Variants in HYCC1 observed in about 807,000 individuals in gnomAD.
HYCC1 encodes the protein hyccin.
At chr7:22,941,019 C>A in the HYCC1 span, 41,877 of 151,894 alleles carry the variant, frequency 0.28, 5,978 homozygotes, top group Non-Finnish European at 0.32. Context: ...GCCACTGGTG[C>A]ATGGCCCATA....
chr7:22,931,792 G>A, the HYCC1 span, among the ~76,000 whole-genome samples: 2,434 of 152,278 alleles, frequency 0.016, 68 homozygotes, highest in African/African-American at 0.056. Context: ...TTATAAAGTG[G>A]CAGTAGAGCT....
chr7:22,999,827 C>A, the HYCC1 span, among the ~76,000 whole-genome samples: 1 of 151,946 alleles, frequency 6.6e-6, no homozygotes, highest in Non-Finnish European at 1.5e-5. Flanking sequence ...CAATTGTAAT[C>A]CAGATGGCAA....
the HYCC1 span, among the ~76,000 whole-genome samples, chr7:22,975,541 A>G: frequency 6.6e-6 from 1 of 152,240 alleles, no homozygotes; most frequent in Non-Finnish European, 1.5e-5. Flanking sequence ...ATTAGAGCAC[A>G]GTAAAAATAA....
chr7:22,984,978 A>T, the HYCC1 span, among the ~76,000 whole-genome samples: 1 of 152,224 alleles, frequency 6.6e-6, no homozygotes, highest in Non-Finnish European at 1.5e-5. Flanking sequence ...GATTTTGAAT[A>T]AAAGAGTAGG....
chr7:22,984,911 C>A, the HYCC1 span, among the ~76,000 whole-genome samples: 1 of 152,162 alleles, frequency 6.6e-6, no homozygotes, highest in Non-Finnish European at 1.5e-5. Flanking sequence ...CTATTCAGAA[C>A]AAACACCATG....
the HYCC1 span, among the ~76,000 whole-genome samples, chr7:22,897,014 G>T: frequency 6.6e-6 from 1 of 152,180 alleles, no homozygotes. Flanking sequence ...CGGTTGGGGT[G>T]GGGGAAGGGC....
chr7:22,964,193 G>A, the HYCC1 span, among the ~76,000 whole-genome samples: 1 of 151,960 alleles, frequency 6.6e-6, no homozygotes, highest in Non-Finnish European at 1.5e-5. Flanking sequence ...GAAAGATGAT[G>A]AAGTGTTTTA....
At chr7:23,012,720 G>A in the HYCC1 span, among the ~76,000 whole-genome samples, 1 of 152,166 alleles carries the variant, frequency 6.6e-6, no homozygotes, top group Non-Finnish European at 1.5e-5. Flanking sequence ...GGAAATGTCG[G>A]GGGAGGTGGG....
the HYCC1 span, among the ~76,000 whole-genome samples, chr7:22,985,360 A>AT: frequency 6.6e-6 from 1 of 152,174 alleles, no homozygotes; most frequent in Non-Finnish European, 1.5e-5. Context: ...CTCTGCAACC[A>AT]CAGCACTCAC....
At chr7:22,911,986 T>G in the HYCC1 span, among the ~76,000 whole-genome samples, 1 of 152,216 alleles carries the variant, frequency 6.6e-6, no homozygotes, top group Admixed American at 6.5e-5. Flanking sequence ...ATTCATTGGC[T>G]ACATAGAAGA....
the HYCC1 span, among the ~76,000 whole-genome samples, chr7:22,932,556 C>G: frequency 1.3e-5 from 2 of 152,098 alleles, no homozygotes; most frequent in African/African-American, 4.8e-5. Flanking sequence ...TTTCACAGGT[C>G]CACAGATGAG....
chr7:22,984,495 G>A, the HYCC1 span, among the ~76,000 whole-genome samples: 1 of 152,106 alleles, frequency 6.6e-6, no homozygotes, highest in African/African-American at 2.4e-5. Flanking sequence ...TGAAGCAGGA[G>A]GACTGATTGA....
the HYCC1 span, among the ~76,000 whole-genome samples, chr7:22,965,419 GAA>G: frequency 4.1e-5 from 6 of 147,788 alleles, no homozygotes; most frequent in African/African-American, 1.5e-4. Context: ...GAATGCTAAA[GAA>G]AGATCAATAG....
chr7:22,907,961 A>ACCC, the HYCC1 span, among the ~76,000 whole-genome samples: 1 of 151,630 alleles, frequency 6.6e-6, no homozygotes, highest in African/African-American at 2.4e-5. Flanking sequence ...TCCCACTACC[A>ACCC]CCCCCACTCT....
At chr7:22,900,290 C>A in the HYCC1 span, among the ~76,000 whole-genome samples, 4 of 152,226 alleles carry the variant, frequency 2.6e-5, no homozygotes, top group African/African-American at 9.6e-5. Flanking sequence ...GCTTAATGAC[C>A]TTGGCAGGCA....
the HYCC1 span, among the ~76,000 whole-genome samples, chr7:22,949,996 A>G: frequency 1.3e-5 from 2 of 152,072 alleles, no homozygotes; most frequent in Non-Finnish European, 2.9e-5. Flanking sequence ...ATTCTCAGGA[A>G]AACTACAGAA....
chr7:22,907,688 T>C, the HYCC1 span, among the ~76,000 whole-genome samples: 1 of 152,058 alleles, frequency 6.6e-6, no homozygotes, highest in African/African-American at 2.4e-5. Context: ...GGCGGGTGGA[T>C]CACTTGATGT....
chr7:22,976,152 G>C, the HYCC1 span: 2 of 1,044,878 alleles, frequency 1.9e-6, no homozygotes, highest in African/African-American at 1.6e-5. Context: ...GTATGTACCA[G>C]ACTAGCAATC....
At chr7:22,912,882 C>T in the HYCC1 span, among the ~76,000 whole-genome samples, 2 of 152,128 alleles carry the variant, frequency 1.3e-5, no homozygotes, top group African/African-American at 4.8e-5. Context: ...CCTGTAATCC[C>T]AGCACTTTGG....
Sources: gnomAD v4.1 joint callset for allele counts (sites outside exome capture counted in the v4.1 genomes callset) on GRCh38, gnomAD v4.1.1 for gene constraint, MANE v1.5 for transcripts, NCBI Gene and HGNC (gene_info 2026-07-23, HGNC 2026-07-21) for gene names.